MSRB3: variants seen among roughly 807,000 people sequenced by gnomAD.
The protein encoded by MSRB3 is methionine sulfoxide reductase B3.
A neutral mutation model predicts 21.0 loss-of-function variants in MSRB3; 13 were observed. The ratio of observed to expected loss-of-function variants is 0.62; its 90% CI spans 0.40 to 0.98. The LOEUF (loss-of-function observed/expected upper bound fraction) is 0.98. Ranked by LOEUF, MSRB3 falls within the 50% of genes least tolerant of loss-of-function variation. The pLI is 0.00. For missense variants in MSRB3, 199 were observed against 230.3 expected (o/e 0.86, Z 0.88); for synonymous variants, 87 against 88.6 (o/e 0.98, Z 0.10).
intron 5 of MSRB3, among the ~76,000 whole-genome samples, chr12:65,422,411 TA>T (rs1394089217): frequency 1.3e-4 from 5 of 39,272 alleles, no homozygotes; most frequent in East Asian, 8.7e-4. Flanking sequence ...TATATATATA[TA>T]TATATATATA....
chr12:65,294,649 A>AT (rs934943251), intron 1 of MSRB3, among the ~76,000 whole-genome samples: 18 of 152,102 alleles, frequency 1.2e-4, no homozygotes, highest in Non-Finnish European at 1.5e-4. Flanking sequence ...CTTCTAGGCC[A>AT]TTTTTTTGTA....
rs186972989 is a variant in MSRB3, at chr12:65,448,252, C to T, written c.293-5476C>T. Among the ~76,000 whole-genome samples the T allele has an allele frequency of 9.5e-4, 145 of 152,196 alleles. 1 individual carries two copies. Among genetic ancestry groups the T allele is most frequent in the South Asian group, 2.3e-3 (11 of 4,822 alleles). On this transcript the variant is annotated intron_variant, in intron 5 of 6. Transcript: ENST00000308259. ...TACTTAAGCTAGATATTCATGCATTCGATTTTTCATTTATGAGATAGTTTT... is the reference window on the plus strand; with the variant it reads ...TACTTAAGCTAGATATTCATGCATTTGATTTTTCATTTATGAGATAGTTTT...
At chr12:65,434,851 A>G (rs1416653604) in intron 5 of MSRB3, among the ~76,000 whole-genome samples, 1 of 151,944 alleles carries the variant, frequency 6.6e-6, no homozygotes, top group Non-Finnish European at 1.5e-5. Flanking sequence ...TTGTAAAATC[A>G]CAGATGAGTA....
intron 2 of MSRB3, among the ~76,000 whole-genome samples, chr12:65,311,661 G>T (rs1169653327): frequency 6.6e-6 from 1 of 152,062 alleles, no homozygotes; most frequent in Non-Finnish European, 1.5e-5. Flanking sequence ...AAAGTTTGAA[G>T]TCTTGCTTTA....
Position 65,453,747 on chromosome 12 carries a change from T to C in MSRB3, c.312T>C (p.Asp104=). The part of the protein sequence containing the change: ...DSGSGWPSFH[D]VINSEAITFT... ...TCCCAGGTTGGCCTTCATTCCACGA[T>C]GTGATCAATTCTGAGGCAATCACAT... Residue 104 remains aspartate (D), a synonymous_variant, in exon 6 of 7, where the codon GAT becomes GAC. Coordinates refer to ENST00000308259, the MANE Select transcript of MSRB3 (RefSeq NM_001031679.3). 1 of 1,614,150 alleles carries C rather than the reference T, an allele frequency of 6.2e-7. No homozygotes were observed. Among genetic ancestry groups the C allele is most frequent in the South Asian group, 1.1e-5 (1 of 91,080 alleles).
At chr12:65,400,596 G>A (rs1449530088) in intron 5 of MSRB3, among the ~76,000 whole-genome samples, 9 of 151,938 alleles carry the variant, frequency 5.9e-5, no homozygotes, top group African/African-American at 2.2e-4. Flanking sequence ...AGGGTTTTTT[G>A]TGTCTTTATC....
chr12:65,290,761 T>C (rs1351870142), intron 1 of MSRB3, among the ~76,000 whole-genome samples: 3 of 152,184 alleles, frequency 2.0e-5, no homozygotes, highest in Non-Finnish European at 4.4e-5. Context: ...AATATTGATA[T>C]GACCTTAGAT....
At chr12:65,350,799 C>G (rs1565848372) in intron 4 of MSRB3, among the ~76,000 whole-genome samples, 3 of 141,392 alleles carry the variant, frequency 2.1e-5, no homozygotes, top group Non-Finnish European at 1.5e-5. Flanking sequence ...CAGGAGCACC[C>G]AGATTCATAA....
intron 4 of MSRB3, among the ~76,000 whole-genome samples, chr12:65,358,910 G>A (rs900050774): frequency 6.6e-6 from 1 of 151,812 alleles, no homozygotes; most frequent in Non-Finnish European, 1.5e-5. Flanking sequence ...AGCATTCTCT[G>A]TCTCATTCAT....
intron 1 of MSRB3, among the ~76,000 whole-genome samples, chr12:65,288,203 T>C (rs576692372): frequency 1.1e-4 from 17 of 151,120 alleles, no homozygotes; most frequent in South Asian, 8.4e-4. Flanking sequence ...CTCAGGAGGC[T>C]GAGGCAGGAG....
intron 5 of MSRB3, among the ~76,000 whole-genome samples, chr12:65,451,938 C>T (rs530721086): frequency 7.2e-5 from 11 of 152,284 alleles, no homozygotes; most frequent in African/African-American, 2.6e-4. Context: ...TAGACTCTGC[C>T]TTCAAGGTGT....
intron 6 of MSRB3, among the ~76,000 whole-genome samples, chr12:65,461,135 A>T (rs996278405): frequency 2.0e-5 from 3 of 152,184 alleles, no homozygotes; most frequent in African/African-American, 7.2e-5. Flanking sequence ...ATGCCAAGTG[A>T]TCCAAGTGCT....
chr12:65,454,021 A>G (rs1367192753), intron 6 of MSRB3, 196 bp downstream of exon 6: 2 of 680,554 alleles, frequency 2.9e-6, no homozygotes, highest in Non-Finnish European at 5.4e-6. Flanking sequence ...TGATAGCTCA[A>G]GCCTGTAATC....
intron 2 of MSRB3, among the ~76,000 whole-genome samples, chr12:65,321,232 C>G (rs1874642147): frequency 6.6e-6 from 1 of 152,090 alleles, no homozygotes; most frequent in African/African-American, 2.4e-5. Context: ...GAAAGTAGAT[C>G]TAAGTACTTA....
At chr12:65,429,741 A>C (rs1177787633) in intron 5 of MSRB3, among the ~76,000 whole-genome samples, 2 of 152,180 alleles carry the variant, frequency 1.3e-5, no homozygotes, top group Non-Finnish European at 2.9e-5. Flanking sequence ...GTTTGGTCTT[A>C]TGAGTAGGCC....
At chr12:65,298,608 G>A (rs984748586) in intron 1 of MSRB3, among the ~76,000 whole-genome samples, 3 of 152,034 alleles carry the variant, frequency 2.0e-5, no homozygotes, top group African/African-American at 7.2e-5. Flanking sequence ...CCTTTTAGTG[G>A]AATATAAGGA....
intron 5 of MSRB3, among the ~76,000 whole-genome samples, chr12:65,450,223 T>C (rs1264348465): frequency 1.3e-5 from 2 of 152,178 alleles, no homozygotes; most frequent in Non-Finnish European, 2.9e-5. Flanking sequence ...ATGAGCATAT[T>C]CTGGAGTTGC....
chr12:65,371,732 A>G (rs1339244621), intron 5 of MSRB3, among the ~76,000 whole-genome samples: 1 of 152,174 alleles, frequency 6.6e-6, no homozygotes, highest in East Asian at 1.9e-4. Context: ...GATTCATGAG[A>G]AAGGAAGGAA....
In MSRB3 at chr12:65,292,207, C is replaced by T. The variant is rs547874562; in HGVS notation, c.-52+13342C>T. On this transcript the variant is annotated intron_variant, in intron 1 of 6. Transcript: ENST00000308259. The stretch of plus-strand genomic sequence containing the variant: ...GACTTCAGAGCGTTTGATACACTGA[C>T]CACCCATTCCTTCTAGAAATTGTCT... Among the ~76,000 whole-genome samples the T allele has an allele frequency of 7.2e-5, 11 of 152,306 alleles. No homozygotes were observed. In the South Asian group the frequency reaches 2.1e-3, roughly 29 times the overall value.
Sources: allele counts gnomAD v4.1 joint callset (sites outside exome capture counted in the v4.1 genomes callset), GRCh38; gene constraint gnomAD v4.1.1; transcripts MANE v1.5; gene names NCBI Gene and HGNC (gene_info 2026-07-23, HGNC 2026-07-21).